Variants in TRABD2B observed in about 807,000 individuals in gnomAD.
TRABD2B encodes the protein metalloprotease TIKI2.
A neutral mutation model predicts 40.1 loss-of-function variants in TRABD2B; 14 were observed. That is an observed-to-expected ratio of 0.35 (90% CI 0.23 to 0.55). The LOEUF (loss-of-function observed/expected upper bound fraction) is 0.55. TRABD2B is among the 20% of genes least tolerant of loss of function. TRABD2B has a pLI of 0.90. For missense variants in TRABD2B, 541 were observed against 648.6 expected (o/e 0.83, Z 1.80); for synonymous variants, 263 against 277.0 (o/e 0.95, Z 0.50).
chr1:47,794,776 A>G lies in TRABD2B; in HGVS notation c.814-16T>C. 7.1e-7 allele frequency: 1 copy of G among 1,412,592 alleles called. No individual in the cohort carries two copies. The allele number at this position is 1,412,592 out of a possible 1,614,324, so 87.5% of individuals were successfully genotyped here. A position where few individuals can be genotyped will look rare whatever the true frequency, so the allele number is the denominator to read the frequency against. ...AGTTGGGCAGCTGCAAAGGCAAGAC[A>G]GAGGCTGCCTTCAGTTTTTTTTTTT... On this transcript the variant is annotated splice_polypyrimidine_tract_variant and intron_variant, in intron 3 of 6. Coordinates refer to ENST00000606738, the MANE Select transcript of TRABD2B (RefSeq NM_001194986.2).
intron 2 of TRABD2B, among the ~76,000 whole-genome samples, chr1:47,894,561 C>T (rs1644491919): frequency 6.6e-6 from 1 of 152,070 alleles, no homozygotes; most frequent in Non-Finnish European, 1.5e-5. Flanking sequence ...CAGAATGGGA[C>T]CAGGGTGTGC....
chr1:47,928,147 C>A (rs1399679050), intron 2 of TRABD2B, among the ~76,000 whole-genome samples: 1 of 152,148 alleles, frequency 6.6e-6, no homozygotes, highest in Non-Finnish European at 1.5e-5. Context: ...GAAGCTGAGA[C>A]CCAGTAGAAA....
At chr1:47,926,316 G>C (rs1286474568) in intron 2 of TRABD2B, among the ~76,000 whole-genome samples, 1 of 152,222 alleles carries the variant, frequency 6.6e-6, no homozygotes, top group Non-Finnish European at 1.5e-5. Flanking sequence ...CATACATACA[G>C]CAGCACGGCT....
At chr1:47,766,965 GC>G (rs1295588025) in intron 6 of TRABD2B, among the ~76,000 whole-genome samples, 1 of 152,202 alleles carries the variant, frequency 6.6e-6, no homozygotes, top group Non-Finnish European at 1.5e-5. Flanking sequence ...CCTGAGCCCA[GC>G]ACACGGTGGC....
chr1:47,773,014 G>T (rs1042152063), intron 6 of TRABD2B, among the ~76,000 whole-genome samples: 2 of 152,360 alleles, frequency 1.3e-5, no homozygotes, highest in Admixed American at 1.3e-4. Flanking sequence ...GCTATGTGTT[G>T]TGAGAAGGAA....
At chr1:47,822,022 C>T (rs115556042) in intron 2 of TRABD2B, among the ~76,000 whole-genome samples, 4,044 of 152,200 alleles carry the variant, frequency 0.027, 117 homozygotes, top group Admixed American at 0.096. Flanking sequence ...TGCACAAACA[C>T]GTGCATGCAC....
intron 2 of TRABD2B, among the ~76,000 whole-genome samples, chr1:47,858,576 G>C (rs1643923001): frequency 6.6e-6 from 1 of 152,206 alleles, no homozygotes; most frequent in African/African-American, 2.4e-5. Flanking sequence ...ATTCTTAATA[G>C]CCTTACAAAG....
At chr1:47,838,803 C>G (rs1237377476) in intron 2 of TRABD2B, among the ~76,000 whole-genome samples, 1 of 152,186 alleles carries the variant, frequency 6.6e-6, no homozygotes. Context: ...ATTCAGCACA[C>G]TGGGGCCTGA....
chr1:47,851,435 G>A (rs1019012969), intron 2 of TRABD2B, among the ~76,000 whole-genome samples: 2 of 152,202 alleles, frequency 1.3e-5, no homozygotes, highest in African/African-American at 4.8e-5. Flanking sequence ...CCTGCGGGGT[G>A]GTGTGTGTAG....
At chr1:47,961,045 A>G (rs182684379) in intron 2 of TRABD2B, among the ~76,000 whole-genome samples, 1 of 152,356 alleles carries the variant, frequency 6.6e-6, no homozygotes, top group African/African-American at 2.4e-5. Context: ...CAGAGCCCTC[A>G]GAAATAATGC....
chr1:47,779,656 C>T (rs1470771015), intron 4 of TRABD2B, among the ~76,000 whole-genome samples: 4 of 152,166 alleles, frequency 2.6e-5, no homozygotes, highest in South Asian at 2.1e-4. Flanking sequence ...GCCTCGGGGG[C>T]CTCAGTCTCC....
intron 2 of TRABD2B, among the ~76,000 whole-genome samples, chr1:47,890,106 C>T (rs1313275580): frequency 6.6e-6 from 1 of 152,234 alleles, no homozygotes; most frequent in Admixed American, 6.5e-5. Flanking sequence ...ATGGATGTCA[C>T]TCTGCTTTGT....
intron 4 of TRABD2B, among the ~76,000 whole-genome samples, chr1:47,779,738 A>T (rs1327620487): frequency 6.6e-6 from 1 of 151,810 alleles, no homozygotes; most frequent in Admixed American, 6.6e-5. Context: ...CTGTGGCTGC[A>T]CTCATTAGGG....
intron 2 of TRABD2B, among the ~76,000 whole-genome samples, chr1:47,826,053 T>C (rs950836544): frequency 2.0e-5 from 3 of 152,154 alleles, no homozygotes; most frequent in Admixed American, 2.0e-4. Flanking sequence ...TCAGGAAACA[T>C]TTATTTACCC....
chr1:47,882,603 T>A (rs1450787753), intron 2 of TRABD2B, among the ~76,000 whole-genome samples: 1 of 152,128 alleles, frequency 6.6e-6, no homozygotes, highest in Non-Finnish European at 1.5e-5. Context: ...TCACCTTGTA[T>A]CTAACACAGA....
rs529720161 is a variant in TRABD2B, at chr1:47,791,735, T to C, written c.988+2851A>G. On this transcript the variant is annotated intron_variant, in intron 4 of 6. Coordinates refer to ENST00000606738, the MANE Select transcript of TRABD2B (RefSeq NM_001194986.2). ...CCAGATGTGGGACTCAGAAATTACA[T>C]GATCATAAGAATGTAACGAGGCCGG... is the stretch of plus-strand genomic sequence containing the variant. 3.9e-5 allele frequency among the ~76,000 whole-genome samples: 6 copies of C among 152,272 alleles called. No individual in the cohort carries two copies. In the South Asian group the frequency reaches 6.2e-4, roughly 16 times the overall value.
intron 2 of TRABD2B, among the ~76,000 whole-genome samples, chr1:47,980,531 G>A (rs1308802423): frequency 6.6e-6 from 1 of 152,194 alleles, no homozygotes; most frequent in Non-Finnish European, 1.5e-5. Flanking sequence ...TGAATGACAG[G>A]TGGGAAGCGA....
intron 2 of TRABD2B, among the ~76,000 whole-genome samples, chr1:47,965,201 C>G (rs867034130): frequency 8.4e-4 from 8 of 9,492 alleles, no homozygotes; most frequent in South Asian, 2.5e-3. Context: ...TGGCGGGGGG[C>G]GGGGGGGGGT....
intron 2 of TRABD2B, chr1:47,819,445 A>G (rs1180602913): frequency 6.6e-6 from 1 of 152,256 alleles, no homozygotes; most frequent in Non-Finnish European, 1.5e-5. Context: ...TGAGGTCCCC[A>G]GGAGGCTTGC....
Sources: allele counts gnomAD v4.1 joint callset (sites outside exome capture counted in the v4.1 genomes callset), GRCh38; gene constraint gnomAD v4.1.1; transcripts MANE v1.5; gene names NCBI Gene and HGNC (gene_info 2026-07-23, HGNC 2026-07-21).